The following EVI5L variants were observed in gnomAD, a reference collection of about 807,000 sequenced individuals.
EVI5L encodes ecotropic viral integration site 5 like.
In EVI5L, 30 loss-of-function variants were observed where a neutral mutation model predicts 106.1. The observed-to-expected ratio is 0.28, with a 90% CI of 0.21 to 0.38. The LOEUF (loss-of-function observed/expected upper bound fraction) is 0.38, where lower values mean the gene tolerates loss of function less well. Ranked by LOEUF, EVI5L falls within the 10% of genes least tolerant of loss-of-function variation. EVI5L has a pLI of 1.00. For synonymous variants in EVI5L, 489 were observed against 483.3 expected (o/e 1.01, Z -0.15); for missense variants, 809 against 1,098.0 (o/e 0.74, Z 3.72).
rs1455287137 is a variant in EVI5L, at chr19:7,864,007, CAGGGGACAGACGACCCAG to C, written c.*309_*326del. 1 of 370,466 alleles carries C rather than the reference CAGGGGACAGACGACCCAG, an allele frequency of 2.7e-6. No homozygotes were observed. Among genetic ancestry groups the C allele is most frequent in the East Asian group, 4.4e-5 (1 of 22,612 alleles). The allele number at this position is 370,466 out of a possible 1,614,324, so 22.9% of individuals were successfully genotyped here. ...GCTCTCTTAACAGGAGGGCAGAGGG[CAGGGGACAGACGACCCAG>C]AGGTCCCAGCACTGAATGAGCAGGC... On this transcript the variant is annotated 3_prime_UTR_variant, in exon 20 of 20. Coordinates refer to ENST00000538904, the MANE Select transcript of EVI5L (RefSeq NM_001159944.3). This position sits in a 1 kb window ranked among gnomAD's most constrained non-coding sequence, Gnocchi z 4.5.
intron 2 of EVI5L, 83 bp from the exon 3 acceptor site, chr19:7,847,649 G>A (rs1456088825): frequency 1.7e-5 from 24 of 1,438,844 alleles, no homozygotes; most frequent in Non-Finnish European, 2.2e-5. Context: ...AGACCCCCAG[G>A]AGGGGGAGGA....
intron 1 of EVI5L, among the ~76,000 whole-genome samples, chr19:7,839,070 A>G (rs762460642): frequency 2.8e-4 from 42 of 151,944 alleles, no homozygotes; most frequent in Non-Finnish European, 8.8e-5. Context: ...TGGGAGGCCA[A>G]TGCGGGCAGA....
chr19:7,862,742 C>CG (rs968829374), intron 17 of EVI5L, among the ~76,000 whole-genome samples: 6 of 124,304 alleles, frequency 4.8e-5, no homozygotes, highest in African/African-American at 9.1e-5. Context: ...TCCTGACCAC[C>CG]CCCCCCCGCG....
Position 7,847,642 on chromosome 19 carries a change from C to A in EVI5L, c.138-90C>A, listed in dbSNP as rs2146423815. The A allele has an allele frequency of 3.6e-6, 5 of 1,370,088 alleles. No individual in the cohort carries two copies. In the East Asian group the frequency reaches 9.3e-5, roughly 25 times the overall value. The allele number at this position is 1,370,088 out of a possible 1,614,324, so 84.9% of individuals were successfully genotyped here. ...ACCTAATCCCTGGTGTCCTCTAAGACCCCCAGGAGGGGGAGGATGGGCTGG... is the reference window on the plus strand; with the variant it reads ...ACCTAATCCCTGGTGTCCTCTAAGAACCCCAGGAGGGGGAGGATGGGCTGG... On this transcript the variant is annotated intron_variant, in intron 2 of 19. Coordinates refer to ENST00000538904, the MANE Select transcript of EVI5L (RefSeq NM_001159944.3).
Position 7,856,023 on chromosome 19 carries a change from G to A in EVI5L, c.1155G>A (p.Arg385=), listed in dbSNP as rs1196408091. 5 of 1,328,558 alleles carry A rather than the reference G, an allele frequency of 3.8e-6. No homozygotes were observed. Among genetic ancestry groups the A allele is most frequent in the Middle Eastern group, 2.0e-4 (1 of 4,968 alleles). 82.3% of individuals were successfully genotyped at this position (1,328,558 alleles called of 1,614,324 possible). ...TCCCCCCACCCCCATAGAGACTTCG[G>A]ACGGAGAACCGGCTCCTGAAACAGC... ...MEEQIEIKRL[R]TENRLLKQRI... Residue 385 remains arginine (R), a synonymous_variant, in exon 11 of 20, where the codon CGG becomes CGA. Coordinates refer to ENST00000538904, the MANE Select transcript of EVI5L (RefSeq NM_001159944.3). This position sits in a 1 kb window ranked among gnomAD's most constrained non-coding sequence, Gnocchi z 6.6.
rs1435707181 is a variant in EVI5L at position 7,835,265 on chromosome 19, T to G, written c.-48+4884T>G. On this transcript the variant is annotated intron_variant, in intron 1 of 19. Transcript: ENST00000538904. This position sits in a 1 kb window ranked among gnomAD's most constrained non-coding sequence, Gnocchi z 4.1. ...GCTCACACCTGTAATCCCAGTACTTTGGGAGGCTGAGGCGGGTGCATCACC... is the reference window on the plus strand; with the variant it reads ...GCTCACACCTGTAATCCCAGTACTTGGGGAGGCTGAGGCGGGTGCATCACC... 6.6e-6 allele frequency among the ~76,000 whole-genome samples: 1 copy of G among 152,102 alleles called. No homozygotes were observed. Among genetic ancestry groups the G allele is most frequent in the Non-Finnish European group, 1.5e-5 (1 of 68,016 alleles).
intron 1 of EVI5L, among the ~76,000 whole-genome samples, chr19:7,838,679 G>A (rs1483012633): frequency 6.6e-6 from 1 of 152,132 alleles, no homozygotes; most frequent in Non-Finnish European, 1.5e-5. Flanking sequence ...CTCAAATCGT[G>A]CATGACCCTA....
At chr19:7,837,861 G>A (rs1196657306) in intron 1 of EVI5L, among the ~76,000 whole-genome samples, 2 of 151,896 alleles carry the variant, frequency 1.3e-5, no homozygotes, top group Middle Eastern at 3.4e-3. Flanking sequence ...GTGCCACCAC[G>A]CCCGGCTAAT....
intron 5 of EVI5L, 37 bp from the exon 6 acceptor site, chr19:7,849,960 G>C (rs368268597): frequency 6.4e-7 from 1 of 1,552,034 alleles, no homozygotes; most frequent in South Asian, 1.2e-5. Flanking sequence ...TCCCCGCTGC[G>C]CTGCCCTGAG....
chr19:7,847,753 G>A lies in EVI5L; in HGVS notation c.159G>A (p.Lys53=). Residue 53 remains lysine (K), a synonymous_variant, in exon 3 of 20, where the codon AAG becomes AAA. Coordinates refer to ENST00000538904, the MANE Select transcript of EVI5L (RefSeq NM_001159944.3). ...CCAGGCTCCTGGAGGCCGACTCCAAGTCCATGCGCTCCATGAATGGCTCGC... is the reference window on the plus strand; with the variant it reads ...CCAGGCTCCTGGAGGCCGACTCCAAATCCATGCGCTCCATGAATGGCTCGC... The part of the protein sequence containing the change: ...EQNRLLEADS[K]SMRSMNGSRR... 6.2e-6 allele frequency: 10 copies of A among 1,613,364 alleles called. No individual in the cohort carries two copies. The highest frequency in any genetic ancestry group is 8.5e-6 in the Non-Finnish European group (10 of 1,179,814).
intron 16 of EVI5L, 37 bp from the exon 17 acceptor site, chr19:7,862,351 G>A (rs757633408): frequency 6.3e-7 from 1 of 1,580,582 alleles, no homozygotes; most frequent in South Asian, 1.2e-5. Flanking sequence ...GGCCCTGACC[G>A]CCGCCGTCCT....
Position 7,863,257 on chromosome 19 carries a change from C to T in EVI5L, c.2116C>T (p.Gln706Ter). 6.4e-7 allele frequency: 1 copy of T among 1,559,512 alleles called. No individual in the cohort carries two copies. Among genetic ancestry groups the T allele is most frequent in the Non-Finnish European group, 8.7e-7 (1 of 1,151,882 alleles). The change falls in exon 19 of 20, where the codon CAG becomes TAG. Residue 706 changes from glutamine to a stop codon, truncating the protein, a stop_gained. Coordinates refer to ENST00000538904, the MANE Select transcript of EVI5L (RefSeq NM_001159944.3). LOFTEE classifies it high-confidence loss of function. This position sits in a 1 kb window ranked among gnomAD's most constrained non-coding sequence, Gnocchi z 7.7. The stretch of plus-strand genomic sequence containing the variant: ...GCAGTACATCCGCGAGCTCAAGGAC[C>T]AGATCGAGGAGCTGAAGGCCGAGGT... ...SSQYIRELKD[Q>*]IEELKAEVRL...
intron 1 of EVI5L, among the ~76,000 whole-genome samples, chr19:7,836,776 A>G (rs1489995190): frequency 6.6e-6 from 1 of 151,614 alleles, no homozygotes; most frequent in African/African-American, 2.4e-5. Flanking sequence ...ATGCGCCACT[A>G]CACCTAGCTA....
At chr19:7,862,659 TCCC>T (rs1979882230) in intron 17 of EVI5L, 125 bp downstream of exon 17, 1 of 695,250 alleles carries the variant, frequency 1.4e-6, no homozygotes, top group African/African-American at 3.5e-5. Context: ...CCCGCGGTCC[TCCC>T]GCCCCCGCCC....
chr19:7,858,110 C>A lies in EVI5L; in HGVS notation c.1234-81C>A. ...CCCCCCACCTCCACTCTCTGGGCCTCCCCCTGTGGCGGGAGGCAGGGCCTT... is the reference window on the plus strand; with the variant it reads ...CCCCCCACCTCCACTCTCTGGGCCTACCCCTGTGGCGGGAGGCAGGGCCTT... On this transcript the variant is annotated intron_variant, in intron 12 of 19. Coordinates refer to ENST00000538904, the MANE Select transcript of EVI5L (RefSeq NM_001159944.3). This position sits in a 1 kb window ranked among gnomAD's most constrained non-coding sequence, Gnocchi z 5.7. 6.7e-7 allele frequency: 1 copy of A among 1,503,580 alleles called. No individual in the cohort carries two copies. Among genetic ancestry groups the A allele is most frequent in the East Asian group, 2.5e-5 (1 of 40,438 alleles). The allele number at this position is 1,503,580 out of a possible 1,614,324, so 93.1% of individuals were successfully genotyped here.
At chr19:7,854,407 A>G (rs1158536482) in intron 10 of EVI5L, among the ~76,000 whole-genome samples, 1 of 152,172 alleles carries the variant, frequency 6.6e-6, no homozygotes, top group Non-Finnish European at 1.5e-5. Flanking sequence ...AACCCAACAC[A>G]GCCTGGCTCC....
chr19:7,833,538 G>A (rs944485573), intron 1 of EVI5L, among the ~76,000 whole-genome samples: 1 of 152,240 alleles, frequency 6.6e-6, no homozygotes, highest in African/African-American at 2.4e-5. Context: ...CATCCCTGGG[G>A]TGTTGGGGAA....
Position 7,862,038 on chromosome 19 carries a change from C to A in EVI5L, c.1644+20C>A. 1.3e-6 allele frequency: 2 copies of A among 1,540,346 alleles called. No homozygotes were observed. The highest frequency in any genetic ancestry group is 1.7e-6 in the Non-Finnish European group (2 of 1,142,962). On this transcript the variant is annotated intron_variant, in intron 15 of 19. Transcript: ENST00000538904. The stretch of plus-strand genomic sequence containing the variant: ...TGGCAGGTGAGGGCCGGGTGGGCGC[C>A]GGCGGGCAGAGCGCCCCCTAGGGCC...
chr19:7,862,706 A>ACCCCGCCTCCTGATCCGG (rs1232372244), intron 17 of EVI5L, among the ~76,000 whole-genome samples, 172 bp downstream of exon 17: 2 of 37,544 alleles, frequency 5.3e-5, no homozygotes, highest in Non-Finnish European at 1.0e-4. Flanking sequence ...CCTGCCCGCG[A>ACCCCGCCTCCTGATCCGG]CCCCGCCTCC....
Sources: allele counts gnomAD v4.1 joint callset (sites outside exome capture counted in the v4.1 genomes callset), GRCh38; gene constraint gnomAD v4.1.1; non-coding constraint Gnocchi (gnomAD v3.1); transcripts MANE v1.5; gene names NCBI Gene and HGNC (gene_info 2026-07-23, HGNC 2026-07-21).